The following SMARCC1 variants were observed in gnomAD, a reference collection of about 807,000 sequenced individuals.
The protein encoded by SMARCC1 is SWI/SNF related BAF chromatin remodeling complex subunit C1.
Under a neutral mutation model 147.4 loss-of-function variants are expected in SMARCC1, and 43 were observed. That is an observed-to-expected ratio of 0.29 (90% CI 0.23 to 0.38). The LOEUF is 0.38. Ranked by LOEUF, SMARCC1 falls within the 10% of genes least tolerant of loss-of-function variation. The pLI, the probability that SMARCC1 is intolerant of heterozygous loss-of-function variation, is 1.00. For missense variants in SMARCC1, 1,119 were observed against 1,381.1 expected, an observed-to-expected ratio of 0.81 and a Z score of 3.01; for synonymous variants, 495 against 484.4, an observed-to-expected ratio of 1.02 and a Z score of -0.29.
At position 47,701,293 on chromosome 3, in the gene SMARCC1, C is replaced by G. The variant is rs2033915241; in HGVS notation, c.1150G>C (p.Val384Leu). Reference protein sequence around the residue: ...PTPVPNIEEVVLPKNVNLKKD... With the variant: ...PTPVPNIEEVLLPKNVNLKKD... ...GAATACAAACCATTTTTGGGAAGTA[C>G]TACTTCTTCTATATTGGGTACAGGT... is the stretch of plus-strand genomic sequence containing the variant. Residue 384 changes from valine to leucine, a missense_variant, in exon 11 of 28, where the codon GTA (valine) becomes CTA (leucine). Coordinates refer to ENST00000254480, the MANE Select transcript of SMARCC1 (RefSeq NM_003074.4). 6.2e-7 allele frequency: 1 copy of G among 1,612,354 alleles called. No homozygotes were observed. Among genetic ancestry groups the G allele is most frequent in the East Asian group, 2.2e-5 (1 of 44,864 alleles).
chr3:47,646,393 C>T (rs2033121674), intron 21 of SMARCC1, among the ~76,000 whole-genome samples: 1 of 152,234 alleles, frequency 6.6e-6, no homozygotes, highest in South Asian at 2.1e-4. Context: ...GGTTAAAAAT[C>T]CTTCCCCAAA....
intron 23 of SMARCC1, among the ~76,000 whole-genome samples, 165 bp downstream of exon 23, chr3:47,635,857 A>G (rs1446861865): frequency 6.6e-6 from 1 of 152,260 alleles, no homozygotes; most frequent in African/African-American, 2.4e-5. Context: ...AGCCACCAGC[A>G]TTAGTATTAG....
At chr3:47,634,622 G>T (rs368619026) in intron 24 of SMARCC1, among the ~76,000 whole-genome samples, 2 of 152,244 alleles carry the variant, frequency 1.3e-5, no homozygotes, top group East Asian at 3.9e-4. Context: ...TACTTAAAAT[G>T]CTAAATTAAC....
intron 9 of SMARCC1, among the ~76,000 whole-genome samples, chr3:47,707,650 G>A (rs1377194775): frequency 6.6e-6 from 1 of 152,068 alleles, no homozygotes; most frequent in Non-Finnish European, 1.5e-5. Context: ...GAGGCGGGGG[G>A]AATGCTTGAG....
chr3:47,682,715 T>G (rs1384411186), intron 14 of SMARCC1, among the ~76,000 whole-genome samples: 2 of 152,246 alleles, frequency 1.3e-5, no homozygotes, highest in African/African-American at 4.8e-5. Flanking sequence ...AATATGTTTT[T>G]TAAAAGTAAT....
chr3:47,596,592 TAAGAAG>T (rs922857996), intron 26 of SMARCC1, among the ~76,000 whole-genome samples: 3 of 150,302 alleles, frequency 2.0e-5, no homozygotes, highest in Non-Finnish European at 3.0e-5. Context: ...AATAAATAAA[TAAGAAG>T]AAGAAGAAGA....
At chr3:47,664,046 G>C in intron 19 of SMARCC1, 2 of 581,736 alleles carry the variant, frequency 3.4e-6, no homozygotes, top group Non-Finnish European at 5.8e-6. Flanking sequence ...CCCATGCGTC[G>C]TTGGGGGAGG....
intron 19 of SMARCC1, chr3:47,670,274 A>T: frequency 5.4e-6 from 1 of 183,870 alleles, no homozygotes; most frequent in Non-Finnish European, 1.1e-5. Context: ...CACTTTTTAA[A>T]ACAGAATACT....
intron 27 of SMARCC1, among the ~76,000 whole-genome samples, chr3:47,588,891 G>T (rs2032128301): frequency 6.6e-6 from 1 of 152,056 alleles, no homozygotes; most frequent in African/African-American, 2.4e-5. Context: ...GCCCAAACTA[G>T]GTCATGTCCT....
chr3:47,722,444 T>C (rs1425869172), intron 6 of SMARCC1, among the ~76,000 whole-genome samples: 1 of 151,922 alleles, frequency 6.6e-6, no homozygotes, highest in African/African-American at 2.4e-5. Flanking sequence ...ATTACAGGCA[T>C]GCGCCACACC....
At chr3:47,635,526 T>A (rs1041169322) in intron 23 of SMARCC1, among the ~76,000 whole-genome samples, 182 bp from the exon 24 acceptor site, 2 of 152,214 alleles carry the variant, frequency 1.3e-5, no homozygotes, top group African/African-American at 4.8e-5. Context: ...ATTGGGGACA[T>A]ATTTTCTAAA....
intron 24 of SMARCC1, among the ~76,000 whole-genome samples, chr3:47,630,095 C>T (rs565035291): frequency 6.7e-6 from 1 of 148,964 alleles, no homozygotes; most frequent in South Asian, 2.1e-4. Context: ...GGCAGCAGTC[C>T]CCAGCCTTTT....
chr3:47,719,429 G>C (rs555964361), intron 7 of SMARCC1, among the ~76,000 whole-genome samples: 1 of 151,934 alleles, frequency 6.6e-6, no homozygotes, highest in Non-Finnish European at 1.5e-5. Context: ...GGCTGGACGC[G>C]GTGGCTCACA....
intron 1 of SMARCC1, among the ~76,000 whole-genome samples, chr3:47,775,517 G>T (rs72906474): frequency 0.56 from 82,607 of 146,596 alleles, 23,610 homozygotes; most frequent in East Asian, 0.72. Context: ...CTCACACCTG[G>T]AATCCCAGCA....
At chr3:47,735,471 T>C (rs912906085) in intron 5 of SMARCC1, among the ~76,000 whole-genome samples, 2 of 151,934 alleles carry the variant, frequency 1.3e-5, no homozygotes, top group Non-Finnish European at 2.9e-5. Flanking sequence ...CCTGGGAACA[T>C]AGTGAGAAAC....
At chr3:47,672,948 T>C (rs978201757) in intron 18 of SMARCC1, among the ~76,000 whole-genome samples, 5 of 151,922 alleles carry the variant, frequency 3.3e-5, no homozygotes, top group African/African-American at 1.2e-4. Context: ...CTGGCTAGTT[T>C]CAGTATTTTT....
chr3:47,778,190 C>CAAAA (rs762774696), intron 1 of SMARCC1, among the ~76,000 whole-genome samples: 8 of 53,130 alleles, frequency 1.5e-4, no homozygotes, highest in African/African-American at 5.7e-4. Context: ...GACTCCATCT[C>CAAAA]AAAAAAAAAA....
chr3:47,764,084 G>A (rs1576435259), intron 2 of SMARCC1, among the ~76,000 whole-genome samples: 1 of 152,120 alleles, frequency 6.6e-6, no homozygotes, highest in East Asian at 1.9e-4. Context: ...ACTCAGGCTA[G>A]AGTGCAGCAG....
intron 21 of SMARCC1, among the ~76,000 whole-genome samples, chr3:47,656,397 G>C (rs1007692058): frequency 6.6e-6 from 1 of 152,158 alleles, no homozygotes; most frequent in Non-Finnish European, 1.5e-5. Flanking sequence ...ATTACAGAAA[G>C]TATCTAATAA....
Sources: gnomAD v4.1 joint callset for allele counts (sites outside exome capture counted in the v4.1 genomes callset) on GRCh38, gnomAD v4.1.1 for gene constraint, MANE v1.5 for transcripts, NCBI Gene and HGNC (gene_info 2026-07-23, HGNC 2026-07-21) for gene names.